ITGAX: variants seen among roughly 807,000 people sequenced by gnomAD.
ITGAX encodes integrin subunit alpha X.
In ITGAX, 99 loss-of-function variants were observed where a neutral mutation model predicts 140.2. The ratio of observed to expected loss-of-function variants is 0.71; its 90% confidence interval spans 0.60 to 0.83. ITGAX has a LOEUF of 0.83. ITGAX is among the 40% of genes least tolerant of loss of function. The pLI is 0.00. For missense variants in ITGAX, 1,444 were observed against 1,482.0 expected, an observed-to-expected ratio of 0.97 and a Z score of 0.42; for synonymous variants, 631 against 600.4, an observed-to-expected ratio of 1.05 and a Z score of -0.75.
At chr16:31,368,355 G>T (rs1029194594) in intron 14 of ITGAX, among the ~76,000 whole-genome samples, 1 of 151,642 alleles carries the variant, frequency 6.6e-6, no homozygotes, top group African/African-American at 2.4e-5. Flanking sequence ...AAAATTAGCT[G>T]GGTGTGGTGG....
At chr16:31,364,601 C>G (rs2080872823) in intron 14 of ITGAX, among the ~76,000 whole-genome samples, 1 of 152,010 alleles carries the variant, frequency 6.6e-6, no homozygotes, top group African/African-American at 2.4e-5. Flanking sequence ...TGGCTAGAAA[C>G]AAAGGCGGAT....
rs181283095 is a variant in ITGAX at position 31,356,377 on chromosome 16, G to A, written c.144-248G>A. 562 of 470,114 alleles carry A rather than the reference G, an allele frequency of 1.2e-3. 9 individuals carry two copies. In the East Asian group the frequency reaches 0.018, roughly 15 times the overall value. The allele number at this position is 470,114 out of a possible 1,614,324, so 29.1% of individuals were successfully genotyped here. On this transcript the variant is annotated intron_variant, in intron 2 of 29. Transcript: ENST00000268296. The stretch of plus-strand genomic sequence containing the variant: ...ACTCCTGGGCTCAAGCAATCCTCCC[G>A]CCTCAGCCTCCCAAAGTGCTGGGAT...
intron 14 of ITGAX, among the ~76,000 whole-genome samples, chr16:31,368,413 G>A (rs1203216805): frequency 6.8e-6 from 1 of 147,600 alleles, no homozygotes; most frequent in Admixed American, 6.9e-5. Flanking sequence ...CAGGAGAATC[G>A]CTTGAACCCC....
intron 28 of ITGAX, 76 bp from the exon 29 acceptor site, chr16:31,380,821 A>G (rs2081062518): frequency 1.4e-6 from 2 of 1,391,380 alleles, no homozygotes; most frequent in African/African-American, 1.4e-5. Context: ...GGAGGGAGTT[A>G]AAGGTTGGGG....
chr16:31,355,950 T>C lies in ITGAX; in HGVS notation c.95T>C (p.Val32Ala), dbSNP rs1488072751. ...LDTEELTAFR[V>A]DSAGFGDSVV... ...ACAGAGGAGCTGACAGCCTTCCGTGTGGACAGCGCTGGGTTTGGAGACAGC... is the reference window on the plus strand; with the variant it reads ...ACAGAGGAGCTGACAGCCTTCCGTGCGGACAGCGCTGGGTTTGGAGACAGC... The change falls in exon 2 of 30, where the codon GTG becomes GCG. Residue 32 changes from valine (V) to alanine (A), a missense_variant. Physicochemically the swap from Val to Ala is moderately conservative, Grantham distance 64. Coordinates refer to ENST00000268296, the MANE Select transcript of ITGAX (RefSeq NM_000887.5). 5.0e-6 allele frequency: 8 copies of C among 1,613,938 alleles called. No homozygotes were observed.
chr16:31,360,679 C>A (rs2080814604), intron 8 of ITGAX: 2 of 559,158 alleles, frequency 3.6e-6, no homozygotes, highest in African/African-American at 3.8e-5. Flanking sequence ...GCCATCAAGC[C>A]TGGCTATTTT....
chr16:31,357,663 A>G, intron 5 of ITGAX: 3 of 449,440 alleles, frequency 6.7e-6, no homozygotes, highest in Non-Finnish European at 1.2e-5. Context: ...AGGGGTTAGC[A>G]CAGCAGCTAG....
At position 31,376,954 on chromosome 16, in the gene ITGAX, C is replaced by G. The variant is rs368048503; in HGVS notation, c.2625+39C>G. Reference sequence around the variant, plus strand: ...CTGTCCCCTCACTGCTCCCCTGCCCCACCCTGTCTTTACTGCTCTGTGACC... The same window carrying G: ...CTGTCCCCTCACTGCTCCCCTGCCCGACCCTGTCTTTACTGCTCTGTGACC... On this transcript the variant is annotated intron_variant, in intron 21 of 29. Coordinates refer to ENST00000268296, the MANE Select transcript of ITGAX (RefSeq NM_000887.5). 3.7e-5 allele frequency: 59 copies of G among 1,613,510 alleles called. No homozygotes were observed. In the South Asian group the frequency reaches 6.4e-4, roughly 17 times the overall value.
chr16:31,356,482 C>T, intron 2 of ITGAX, 143 bp from the exon 3 acceptor site: 1 of 606,334 alleles, frequency 1.6e-6, no homozygotes, highest in African/African-American at 1.8e-5. Flanking sequence ...GACAGAAATC[C>T]CTTCCACATG....
chr16:31,356,586 T>C (rs1479971872), intron 2 of ITGAX, 39 bp from the exon 3 acceptor site: 1 of 1,444,498 alleles, frequency 6.9e-7, no homozygotes. Context: ...TGCTGCAGCG[T>C]CCACACTCTT....
intron 4 of ITGAX, 65 bp from the exon 5 acceptor site, chr16:31,357,187 GA>G (rs1188846261): frequency 6.5e-7 from 1 of 1,545,240 alleles, no homozygotes; most frequent in Non-Finnish European, 8.8e-7. Context: ...CTGTAGGGTG[GA>G]GGTTCCGGAA....
chr16:31,356,625 G>A lies in ITGAX; in HGVS notation c.144G>A (p.Trp48Ter). The A allele has an allele frequency of 1.3e-6, 2 of 1,592,988 alleles. No individual in the cohort carries two copies. The highest frequency in any genetic ancestry group is 1.7e-6 in the Non-Finnish European group (2 of 1,170,634). ...GDSVVQYANS[W>*]VVVGAPQKIT... ...TAAAGTGTTCTTTGTCTCCTCGCAG[G>A]GTGGTGGTTGGAGCCCCCCAAAAGA... Residue 48 changes from tryptophan (W) to a stop codon, truncating the protein, a stop_gained and splice_region_variant, in exon 3 of 30, where the codon TGG (tryptophan) becomes TGA (stop). Coordinates refer to ENST00000268296, the MANE Select transcript of ITGAX (RefSeq NM_000887.5). LOFTEE classifies it high-confidence loss of function.
At chr16:31,373,601 A>G (rs2080993776) in intron 20 of ITGAX, among the ~76,000 whole-genome samples, 1 of 152,236 alleles carries the variant, frequency 6.6e-6, no homozygotes, top group African/African-American at 2.4e-5. Context: ...ACAGAGGGGA[A>G]CCTGCCCAAA....
Position 31,360,310 on chromosome 16 carries a change from G to T in ITGAX, c.708G>T (p.Val236=). 5 of 1,608,478 alleles carry T rather than the reference G, an allele frequency of 3.1e-6. No homozygotes were observed. Among genetic ancestry groups the T allele is most frequent in the Non-Finnish European group, 4.2e-6 (5 of 1,176,996 alleles). Residue 236 remains valine, a splice_region_variant and synonymous_variant, in exon 8 of 30, where the codon GTG becomes GTT. Coordinates refer to ENST00000268296, the MANE Select transcript of ITGAX (RefSeq NM_000887.5). Reference sequence around the variant, plus strand: ...TCTAAGACCTCTCCTTTCCTGATAGGCACCGATTGTTCCATGCCTCATATG... The same window carrying T: ...TCTAAGACCTCTCCTTTCCTGATAGTCACCGATTGTTCCATGCCTCATATG... ...TYTATAIQNV[V]HRLFHASYGA...
At chr16:31,356,303 A>T (rs2080759434) in intron 2 of ITGAX, 1 of 413,830 alleles carries the variant, frequency 2.4e-6, no homozygotes, top group Non-Finnish European at 4.3e-6. Flanking sequence ...CTATACATTT[A>T]AAAATATATA....
intron 14 of ITGAX, among the ~76,000 whole-genome samples, chr16:31,369,296 C>G (rs902866400): frequency 4.2e-5 from 6 of 143,168 alleles, no homozygotes; most frequent in Non-Finnish European, 6.0e-5. Context: ...CTGACCCCCC[C>G]CCCCACCTCC....
At position 31,357,303 on chromosome 16, in the gene ITGAX, C is replaced by G. The variant is rs558222544; in HGVS notation, c.369C>G (p.Thr123=). 7.5e-6 allele frequency: 12 copies of G among 1,608,676 alleles called. No homozygotes were observed. The African/African-American group carries it at 9.4e-5, about 13-fold the overall frequency. ...HHECGRNMYL[T]GLCFLLGPTQ... ...AGTGCGGGAGGAACATGTACCTCAC[C>G]GGACTCTGCTTCCTCCTGGGCCCCA... Residue 123 remains threonine, a synonymous_variant, in exon 5 of 30, where the codon ACC becomes ACG. Transcript: ENST00000268296.
At position 31,373,278 on chromosome 16, in the gene ITGAX, T is replaced by G. The variant is rs768744768; in HGVS notation, c.2396T>G (p.Leu799Arg). The G allele has an allele frequency of 6.2e-7, 1 of 1,612,354 alleles. No homozygotes were observed. Among genetic ancestry groups the G allele is most frequent in the Admixed American group, 1.7e-5 (1 of 59,902 alleles). ...GLKSLLVGSN[L>R]ELNAEVMVWN... is the part of the protein sequence containing the mutation. Reference sequence around the variant, plus strand: ...AAGTCCCTGCTGGTGGGGAGTAACCTGGAGCTGAACGCAGAAGTGATGGTG... The same window carrying G: ...AAGTCCCTGCTGGTGGGGAGTAACCGGGAGCTGAACGCAGAAGTGATGGTG... The change falls in exon 20 of 30, where the codon CTG becomes CGG. Residue 799 changes from leucine to arginine, a missense_variant. Physicochemically the swap from Leu to Arg is moderately radical, Grantham distance 102. Transcript: ENST00000268296.
rs759573834 is a variant in ITGAX at position 31,362,143 on chromosome 16, T to C, written c.1155T>C (p.Asn385=). The C allele has an allele frequency of 5.0e-6, 8 of 1,613,886 alleles. No individual in the cohort carries two copies. The African/African-American group carries it at 1.1e-4, about 22-fold the overall frequency. The stretch of plus-strand genomic sequence containing the variant: ...GAGGTGCCTTCCTGTACCCCCCAAA[T>C]ATGAGCCCTACCTTCATCAACATGT... ...WSGGAFLYPP[N]MSPTFINMSQ... The change falls in exon 11 of 30, where the codon AAT becomes AAC. Residue 385 remains asparagine (N), a synonymous_variant. Transcript: ENST00000268296.
Sources: gnomAD v4.1 joint callset for allele counts (sites outside exome capture counted in the v4.1 genomes callset) on GRCh38, gnomAD v4.1.1 for gene constraint, MANE v1.5 for transcripts, NCBI Gene and HGNC (gene_info 2026-07-23, HGNC 2026-07-21) for gene names.